The following LHFPL6 variants were observed in gnomAD, a reference collection of about 807,000 sequenced individuals.
LHFPL6 encodes the protein LHFPL tetraspan subfamily member 6 protein.
LHFPL6 carries 9 observed loss-of-function variants against 20.6 expected under a neutral mutation model. That is an observed-to-expected ratio of 0.44 (90% CI 0.26 to 0.76). The LOEUF (loss-of-function observed/expected upper bound fraction) is 0.76, where lower values mean the gene tolerates loss of function less well. Among genes scored for constraint, LHFPL6 ranks in the 30% least tolerant of loss-of-function variants. The probability of loss-of-function intolerance (pLI) is 0.20; values close to 1 mark genes in which losing one functional copy is unlikely to be tolerated. For missense variants in LHFPL6, 218 were observed against 253.5 expected (o/e 0.86, Z 0.95); for synonymous variants, 105 against 98.7 (o/e 1.06, Z -0.38).
chr13:39,351,405 G>A (rs1312239612), intron 3 of LHFPL6, among the ~76,000 whole-genome samples: 4 of 151,338 alleles, frequency 2.6e-5, no homozygotes, highest in Non-Finnish European at 4.4e-5. Context: ...CTTGAACTCG[G>A]AACTTGGGTC....
rs551160500 is a variant in LHFPL6 at position 39,576,400 on chromosome 13, A to T, written c.385+24432T>A. The stretch of plus-strand genomic sequence containing the variant: ...AGCATTAGTTCCAATTTGTGGTGTG[A>T]CAGGTACTAGTATTAAATAGCTGTT... On this transcript the variant is annotated intron_variant, in intron 2 of 3. Coordinates refer to ENST00000379589, the MANE Select transcript of LHFPL6 (RefSeq NM_005780.3). Among the ~76,000 whole-genome samples the T allele has an allele frequency of 5.4e-4, 82 of 152,330 alleles. 1 individual carries two copies. In the Middle Eastern group the frequency reaches 0.01, roughly 19 times the overall value.
chr13:39,393,074 G>A (rs1870752438), intron 2 of LHFPL6, among the ~76,000 whole-genome samples: 1 of 152,104 alleles, frequency 6.6e-6, no homozygotes, highest in South Asian at 2.1e-4. Context: ...AATGTGCATA[G>A]GTTATATGCA....
chr13:39,446,931 T>C (rs2138418137), intron 2 of LHFPL6, among the ~76,000 whole-genome samples: 1 of 152,294 alleles, frequency 6.6e-6, no homozygotes. Context: ...ACAGAAAAGA[T>C]AAACTGGTTC....
At chr13:39,438,962 G>A (rs181051650) in intron 2 of LHFPL6, among the ~76,000 whole-genome samples, 84 of 152,260 alleles carry the variant, frequency 5.5e-4, no homozygotes, top group African/African-American at 1.7e-3. Flanking sequence ...ATGTGGGGTC[G>A]GAGCCCCCAC....
intron 2 of LHFPL6, among the ~76,000 whole-genome samples, chr13:39,428,543 C>T (rs1871704251): frequency 6.6e-6 from 1 of 152,066 alleles, no homozygotes; most frequent in East Asian, 1.9e-4. Flanking sequence ...TTAGTGATAT[C>T]ACCTTCCTCA....
intron 3 of LHFPL6, among the ~76,000 whole-genome samples, chr13:39,352,923 AAATG>A (rs1320830416): frequency 2.5e-4 from 8 of 31,618 alleles, no homozygotes; most frequent in African/African-American, 4.5e-4. Flanking sequence ...ATATATATAT[AAATG>A]TATATATATG....
At chr13:39,379,422 A>C (rs1458292251) in intron 2 of LHFPL6, among the ~76,000 whole-genome samples, 2 of 152,224 alleles carry the variant, frequency 1.3e-5, no homozygotes, top group Non-Finnish European at 2.9e-5. Context: ...TAGGACCAAC[A>C]GATACATAGT....
intron 2 of LHFPL6, among the ~76,000 whole-genome samples, chr13:39,392,232 T>C (rs931270722): frequency 1.1e-4 from 17 of 152,110 alleles, no homozygotes; most frequent in African/African-American, 4.1e-4. Flanking sequence ...GCGGTCACAA[T>C]GACTCATATC....
At chr13:39,597,947 G>A (rs1220261192) in intron 2 of LHFPL6, among the ~76,000 whole-genome samples, 3 of 152,200 alleles carry the variant, frequency 2.0e-5, no homozygotes, top group African/African-American at 4.8e-5. Context: ...CACAGCAGGC[G>A]GGGTTAAGCA....
At chr13:39,384,698 C>T (rs1870519310) in intron 2 of LHFPL6, among the ~76,000 whole-genome samples, 1 of 152,154 alleles carries the variant, frequency 6.6e-6, no homozygotes. Context: ...CTCTAGTTGC[C>T]TAATTTGCTT....
intron 2 of LHFPL6, among the ~76,000 whole-genome samples, chr13:39,502,547 G>C (rs1416168177): frequency 6.6e-6 from 1 of 152,010 alleles, no homozygotes; most frequent in African/African-American, 2.4e-5. Context: ...CTTGAGCTCA[G>C]GAGCTTGAGG....
intron 2 of LHFPL6, among the ~76,000 whole-genome samples, chr13:39,585,517 C>T (rs773522151): frequency 1.3e-4 from 20 of 152,170 alleles, no homozygotes; most frequent in Non-Finnish European, 2.4e-4. Context: ...ATAACATAAG[C>T]TGTGAAAGCA....
At chr13:39,359,724 T>A (rs1228319124) in intron 3 of LHFPL6, among the ~76,000 whole-genome samples, 1 of 151,842 alleles carries the variant, frequency 6.6e-6, no homozygotes, top group Non-Finnish European at 1.5e-5. Context: ...AACCTCTGCA[T>A]CACACAATAT....
At chr13:39,575,295 C>T (rs1008916663) in intron 2 of LHFPL6, among the ~76,000 whole-genome samples, 10 of 152,194 alleles carry the variant, frequency 6.6e-5, no homozygotes, top group Non-Finnish European at 2.9e-5. Flanking sequence ...ACCCCCAGGA[C>T]AATCATTTCT....
chr13:39,546,259 T>C (rs1161649760), intron 2 of LHFPL6, among the ~76,000 whole-genome samples: 1 of 152,070 alleles, frequency 6.6e-6, no homozygotes, highest in Non-Finnish European at 1.5e-5. Context: ...CGACCCTTAA[T>C]CTAAATGTTG....
chr13:39,589,796 T>C (rs1872548458), intron 2 of LHFPL6, among the ~76,000 whole-genome samples: 1 of 152,204 alleles, frequency 6.6e-6, no homozygotes, highest in Non-Finnish European at 1.5e-5. Context: ...TTAAATAATT[T>C]TTAAAAGACA....
intron 2 of LHFPL6, among the ~76,000 whole-genome samples, chr13:39,571,011 A>T (rs1040078137): frequency 1.3e-5 from 2 of 152,224 alleles, no homozygotes; most frequent in Non-Finnish European, 2.9e-5. Context: ...TGAAAGTGTG[A>T]AAAACAACAA....
chr13:39,448,641 T>C (rs1872357525), intron 2 of LHFPL6, among the ~76,000 whole-genome samples: 1 of 152,210 alleles, frequency 6.6e-6, no homozygotes, highest in Non-Finnish European at 1.5e-5. Context: ...AGAAATCACA[T>C]GCCTACAATT....
chr13:39,566,128 C>T (rs1871707565), intron 2 of LHFPL6, among the ~76,000 whole-genome samples: 1 of 152,070 alleles, frequency 6.6e-6, no homozygotes, highest in Non-Finnish European at 1.5e-5. Context: ...ACATGTCAAA[C>T]ACATGATTTT....
Sources: gnomAD v4.1 joint callset for allele counts (sites outside exome capture counted in the v4.1 genomes callset) on GRCh38, gnomAD v4.1.1 for gene constraint, MANE v1.5 for transcripts, NCBI Gene and HGNC (gene_info 2026-07-23, HGNC 2026-07-21) for gene names.